Variants in TNNI3K observed in about 807,000 individuals in gnomAD.
The protein encoded by TNNI3K is TNNI3 interacting kinase.
Under a neutral mutation model 114.5 loss-of-function variants are expected in TNNI3K, and 140 were observed. The observed-to-expected ratio is 1.22, with a 90% confidence interval of 1.07 to 1.41. The LOEUF (loss-of-function observed/expected upper bound fraction) is 1.41, where lower values mean the gene tolerates loss of function less well. Among genes scored for constraint, TNNI3K ranks in the 40% most tolerant of loss-of-function variants. The pLI is 0.00. For synonymous variants in TNNI3K, 347 were observed against 347.5 expected (o/e 1.00, Z 0.02); for missense variants, 1,125 against 1,007.6 (o/e 1.12, Z -1.58).
intron 5 of TNNI3K, among the ~76,000 whole-genome samples, chr1:74,328,385 T>A (rs182868821): frequency 1.3e-5 from 2 of 151,654 alleles, no homozygotes; most frequent in African/African-American, 4.9e-5. Flanking sequence ...TAAATGTTGG[T>A]ATGAGTGTAC....
rs699836 is a variant in TNNI3K, at chr1:74,399,614, G to T, written c.1772+29222G>T. 1.6e-3 allele frequency among the ~76,000 whole-genome samples: 240 copies of T among 152,286 alleles called. 1 individual carries two copies. Among genetic ancestry groups the T allele is most frequent in the African/African-American group, 5.3e-3 (219 of 41,556 alleles). On this transcript the variant is annotated intron_variant, in intron 17 of 24. Transcript: ENST00000326637. ...TGGACACATTACACTCGAGTCAAGA[G>T]ACTGGTAAAAGAATCCCCAGATGGA... is the stretch of plus-strand genomic sequence containing the variant.
intron 4 of TNNI3K, among the ~76,000 whole-genome samples, chr1:74,263,201 C>A (rs1320724949): frequency 6.6e-6 from 1 of 151,966 alleles, no homozygotes; most frequent in East Asian, 1.9e-4. Context: ...CATTATTTCC[C>A]AAAATTTCAG....
intron 9 of TNNI3K, among the ~76,000 whole-genome samples, chr1:74,344,368 A>C (rs1660893578): frequency 6.6e-6 from 1 of 152,236 alleles, no homozygotes; most frequent in African/African-American, 2.4e-5. Context: ...AAGCTAAGTA[A>C]CTTGCCAAAG....
chr1:74,501,220 A>G (rs9729683), intron 23 of TNNI3K, among the ~76,000 whole-genome samples: 16,071 of 152,112 alleles, frequency 0.11, 2,263 homozygotes, highest in African/African-American at 0.33. Flanking sequence ...CTGTCTTCCA[A>G]TTCACTTATT....
intron 5 of TNNI3K, among the ~76,000 whole-genome samples, chr1:74,310,833 A>T (rs1023522429): frequency 6.6e-5 from 10 of 152,070 alleles, no homozygotes; most frequent in African/African-American, 2.2e-4. Flanking sequence ...ATCTTGGTAA[A>T]TTTTTTTATA....
chr1:74,439,681 C>G, intron 20 of TNNI3K, 59 bp downstream of exon 20: 2 of 1,587,144 alleles, frequency 1.3e-6, no homozygotes, highest in Non-Finnish European at 1.7e-6. Context: ...ATTTTTATAA[C>G]TTCAAGAAAA....
chr1:74,369,300 G>A (rs776861200), intron 15 of TNNI3K, 36 bp downstream of exon 15: 5 of 1,609,348 alleles, frequency 3.1e-6, no homozygotes. Flanking sequence ...ACATCCAGGT[G>A]GAATTGTGAC....
At chr1:74,255,318 C>A (rs1041322998) in intron 4 of TNNI3K, among the ~76,000 whole-genome samples, 23 of 144,964 alleles carry the variant, frequency 1.6e-4, no homozygotes, top group Admixed American at 9.8e-4. Flanking sequence ...CCCGCCACTG[C>A]ACTCCAGCCT....
At chr1:74,289,440 T>A (rs545145663) in intron 5 of TNNI3K, among the ~76,000 whole-genome samples, 11 of 152,084 alleles carry the variant, frequency 7.2e-5, no homozygotes, top group Middle Eastern at 3.4e-3. Context: ...GGGGTTTAAA[T>A]TTATGCCACT....
At chr1:74,243,159 AT>A (rs1256410124) in intron 2 of TNNI3K, among the ~76,000 whole-genome samples, 1 of 152,214 alleles carries the variant, frequency 6.6e-6, no homozygotes, top group Admixed American at 6.5e-5. Context: ...CAATTTTATC[AT>A]ATCTGTCACT....
intron 17 of TNNI3K, among the ~76,000 whole-genome samples, chr1:74,390,288 T>A (rs1663695826): frequency 6.6e-6 from 1 of 152,178 alleles, no homozygotes; most frequent in African/African-American, 2.4e-5. Flanking sequence ...TTAGGGATCC[T>A]GAAAATTAAT....
chr1:74,468,148 A>G (rs1378652588), intron 21 of TNNI3K: 1 of 152,220 alleles, frequency 6.6e-6, no homozygotes, highest in East Asian at 1.9e-4. Flanking sequence ...CCTGAGAGTC[A>G]GTTAGTGACC....
chr1:74,363,726 G>T (rs1662100721), intron 11 of TNNI3K, among the ~76,000 whole-genome samples: 1 of 151,834 alleles, frequency 6.6e-6, no homozygotes, highest in African/African-American at 2.4e-5. Flanking sequence ...GGTAAATGTA[G>T]GGGTTTGGGT....
At chr1:74,473,336 A>T (rs766705142) in intron 21 of TNNI3K, among the ~76,000 whole-genome samples, 31 of 152,124 alleles carry the variant, frequency 2.0e-4, no homozygotes, top group South Asian at 4.1e-4. Flanking sequence ...AGTCTATCTG[A>T]CATTAAACGA....
chr1:74,394,619 A>G (rs1663976198), intron 17 of TNNI3K, among the ~76,000 whole-genome samples: 1 of 152,242 alleles, frequency 6.6e-6, no homozygotes, highest in South Asian at 2.1e-4. Context: ...CCTGCAAAAT[A>G]GCTCACTTTT....
chr1:74,416,725 A>G (rs955311517), intron 17 of TNNI3K, among the ~76,000 whole-genome samples: 1 of 151,896 alleles, frequency 6.6e-6, no homozygotes, highest in Non-Finnish European at 1.5e-5. Context: ...TGCCCGTACG[A>G]TTTAATTTTG....
chr1:74,287,560 T>C (rs1285818883), intron 5 of TNNI3K, among the ~76,000 whole-genome samples: 2 of 152,110 alleles, frequency 1.3e-5, no homozygotes, highest in African/African-American at 4.8e-5. Context: ...CTTCAATAAA[T>C]GATACTGAGA....
chr1:74,337,511 C>G (rs955344289), intron 7 of TNNI3K, among the ~76,000 whole-genome samples: 5 of 152,062 alleles, frequency 3.3e-5, no homozygotes, highest in Admixed American at 6.6e-5. Flanking sequence ...AAAGAGTTCT[C>G]TTAGATGAAT....
intron 23 of TNNI3K, among the ~76,000 whole-genome samples, chr1:74,492,554 A>G (rs544066153): frequency 6.6e-6 from 1 of 152,332 alleles, no homozygotes; most frequent in Non-Finnish European, 1.5e-5. Flanking sequence ...AAGCTATTTT[A>G]TGGCATCCAA....
Sources: allele counts gnomAD v4.1 joint callset (sites outside exome capture counted in the v4.1 genomes callset), GRCh38; gene constraint gnomAD v4.1.1; transcripts MANE v1.5; gene names NCBI Gene and HGNC (gene_info 2026-07-23, HGNC 2026-07-21).